The following MTMR12 variants were observed in gnomAD, a reference collection of about 807,000 sequenced individuals.
The protein encoded by MTMR12 is myotubularin related protein 12, also known as myotubularin-related protein 12.
A neutral mutation model predicts 96.7 loss-of-function variants in MTMR12; 33 were observed. That is an observed-to-expected ratio of 0.34 (90% CI 0.26 to 0.46). The LOEUF is 0.46. Among genes scored for constraint, MTMR12 ranks in the 20% least tolerant of loss-of-function variants. The pLI is 1.00. For missense variants in MTMR12, 721 were observed against 896.1 expected (o/e 0.80, Z 2.49); for synonymous variants, 298 against 327.2 (o/e 0.91, Z 0.96).
chr5:32,253,641 G>A lies in MTMR12; in HGVS notation c.789+2052C>T, dbSNP rs527807209. ...CACAGTTTTCTTTTCTTTTCTTTCTGAGACAGAGTCTTACTCTGTTGCCCA... is the reference window on the plus strand; with the variant it reads ...CACAGTTTTCTTTTCTTTTCTTTCTAAGACAGAGTCTTACTCTGTTGCCCA... On this transcript the variant is annotated intron_variant, in intron 8 of 15. Transcript: ENST00000382142. Among the ~76,000 whole-genome samples the A allele has an allele frequency of 4.6e-5, 7 of 152,280 alleles. No homozygotes were observed. The South Asian group carries it at 1.5e-3, about 32-fold the overall frequency.
chr5:32,296,475 T>A, intron 1 of MTMR12: 1 of 372,642 alleles, frequency 2.7e-6, no homozygotes, highest in Non-Finnish European at 5.6e-6. Context: ...CAAGACCTTG[T>A]CTCCAAAAAA....
chr5:32,251,054 C>CTTTTTTTTTTT (rs1299015165), intron 8 of MTMR12, among the ~76,000 whole-genome samples: 9 of 131,026 alleles, frequency 6.9e-5, no homozygotes, highest in Non-Finnish European at 1.3e-4. Flanking sequence ...AGGTCCCTCT[C>CTTTTTTTTTTT]TTTTTTTTTT....
intron 1 of MTMR12, among the ~76,000 whole-genome samples, chr5:32,302,022 C>A (rs576719900): frequency 1.7e-4 from 26 of 152,298 alleles, no homozygotes; most frequent in Admixed American, 5.9e-4. Flanking sequence ...AGAGGAAGGT[C>A]ATCTTCAACA....
At chr5:32,287,940 C>T (rs569468093) in intron 1 of MTMR12, among the ~76,000 whole-genome samples, 2 of 152,176 alleles carry the variant, frequency 1.3e-5, no homozygotes, top group Admixed American at 6.5e-5. Context: ...ATGAAAATGA[C>T]GAACTCAGGG....
At chr5:32,309,315 A>C (rs1751488577) in intron 1 of MTMR12, among the ~76,000 whole-genome samples, 1 of 152,214 alleles carries the variant, frequency 6.6e-6, no homozygotes, top group Non-Finnish European at 1.5e-5. Context: ...TCAAAAAAAG[A>C]CATAAAGAAT....
chr5:32,255,716 G>C lies in MTMR12; in HGVS notation c.766C>G (p.Arg256Gly), dbSNP rs201778330. Residue 256 changes from arginine to glycine, a missense_variant, in exon 8 of 16, where the codon CGC becomes GGC. Physicochemically the swap from Arg to Gly is moderately radical, Grantham distance 125 (BLOSUM62 -2). Transcript: ENST00000382142. Reference sequence around the variant, plus strand: ...ACTGGTATGCCATGACCCTGAAAGCGCTGCACATTCTCTTCAGGAAGAGGG... The same window carrying C: ...ACTGGTATGCCATGACCCTGAAAGCCCTGCACATTCTCTTCAGGAAGAGGG... ...PTPLPEENVQ[R>G]FQGHGIPIWC... The C allele has an allele frequency of 6.2e-7, 1 of 1,612,486 alleles. No individual in the cohort carries two copies. The highest frequency in any genetic ancestry group is 8.5e-7 in the Non-Finnish European group (1 of 1,179,406).
chr5:32,278,457 T>C (rs1750144263), intron 1 of MTMR12, among the ~76,000 whole-genome samples: 2 of 152,176 alleles, frequency 1.3e-5, no homozygotes, highest in Admixed American at 6.5e-5. Flanking sequence ...AATATGGCAT[T>C]AGAAGAAACT....
In MTMR12 at chr5:32,227,999, A is replaced by C. The variant is rs1178225872; in HGVS notation, c.*1779T>G. The C allele has an allele frequency of 6.6e-6, 1 of 152,526 alleles. No homozygotes were observed. The highest frequency in any genetic ancestry group is 1.5e-5 in the Non-Finnish European group (1 of 68,056). The allele number at this position is 152,526 out of a possible 1,614,324, so 9.4% of individuals were successfully genotyped here. A position where few individuals can be genotyped will look rare whatever the true frequency, so the allele number is the denominator to read the frequency against. On this transcript the variant is annotated 3_prime_UTR_variant, in exon 16 of 16. Coordinates refer to ENST00000382142, the MANE Select transcript of MTMR12 (RefSeq NM_001040446.3). ...AACCTAGAAACTTCTCTTAGTCAAT[A>C]GTTTCCAATTTTCTGAGACGAGGTC...
At chr5:32,268,630 C>A (rs772469097) in intron 6 of MTMR12, 71 bp downstream of exon 6, 7 of 1,277,400 alleles carry the variant, frequency 5.5e-6, no homozygotes, top group Non-Finnish European at 8.0e-6. Context: ...GATGTGTTCT[C>A]CCCCACTGGC....
rs1747841339 is a variant in MTMR12 at position 32,228,571 on chromosome 5, T to TC, written c.*1206_*1207insG. 1 of 135,388 alleles carries TC rather than the reference T, an allele frequency of 7.4e-6. No individual in the cohort carries two copies. The highest frequency in any genetic ancestry group is 2.9e-5 in the African/African-American group (1 of 34,732). The allele number at this position is 135,388 out of a possible 1,614,324, so 8.4% of individuals were successfully genotyped here. On this transcript the variant is annotated 3_prime_UTR_variant, in exon 16 of 16. Coordinates refer to ENST00000382142, the MANE Select transcript of MTMR12 (RefSeq NM_001040446.3). ...ATATATATGTGATATATATATATCA[T>TC]ATATATATCATATATATGTGATATA... is the stretch of plus-strand genomic sequence containing the variant.
At chr5:32,235,492 G>A (rs947933293) in intron 13 of MTMR12, among the ~76,000 whole-genome samples, 1 of 151,980 alleles carries the variant, frequency 6.6e-6, no homozygotes, top group Non-Finnish European at 1.5e-5. Flanking sequence ...TCCATTAGTA[G>A]TACTGTATTA....
At chr5:32,273,889 G>T (rs754732372) in intron 3 of MTMR12, 91 bp downstream of exon 3, 10 of 1,545,814 alleles carry the variant, frequency 6.5e-6, no homozygotes, top group Non-Finnish European at 7.9e-6. Flanking sequence ...TGTGTTAGGG[G>T]GTAGAGTAAC....
At chr5:32,255,930 G>T in intron 7 of MTMR12, 162 bp from the exon 8 acceptor site, 1 of 569,148 alleles carries the variant, frequency 1.8e-6, no homozygotes, top group Non-Finnish European at 3.1e-6. Context: ...TTTCGGTGTG[G>T]CGTGAAGTAC....
rs1366478718 is a variant in MTMR12 at position 32,243,655 on chromosome 5, C to T, written c.1022-56G>A. ...GGTCATTGTTCACTGACATACTTGC[C>T]ACAAAAATCCTGTGCTCCTCAACTG... On this transcript the variant is annotated intron_variant, in intron 10 of 15. Transcript: ENST00000382142. 2.7e-6 allele frequency: 3 copies of T among 1,128,964 alleles called. No homozygotes were observed. The African/African-American group carries it at 4.6e-5, about 17-fold the overall frequency. The allele number at this position is 1,128,964 out of a possible 1,614,324, so 69.9% of individuals were successfully genotyped here. A position where few individuals can be genotyped will look rare whatever the true frequency, so the allele number is the denominator to read the frequency against.
chr5:32,287,367 C>T (rs539503024), intron 1 of MTMR12, among the ~76,000 whole-genome samples: 33 of 152,156 alleles, frequency 2.2e-4, no homozygotes, highest in Admixed American at 9.8e-4. Flanking sequence ...GGCCTAGCCT[C>T]GCAGCCTACA....
At chr5:32,254,664 G>A (rs1056589988) in intron 8 of MTMR12, among the ~76,000 whole-genome samples, 9 of 151,998 alleles carry the variant, frequency 5.9e-5, no homozygotes, top group Non-Finnish European at 1.5e-5. Context: ...TCAACATGGC[G>A]AAACCCCGTC....
At chr5:32,274,311 C>T (rs971761960) in intron 2 of MTMR12, among the ~76,000 whole-genome samples, 189 bp from the exon 3 acceptor site, 3 of 152,128 alleles carry the variant, frequency 2.0e-5, no homozygotes, top group African/African-American at 7.2e-5. Flanking sequence ...AGAGTGGAAA[C>T]CACCAAGAAG....
intron 1 of MTMR12, among the ~76,000 whole-genome samples, chr5:32,281,899 C>CAAAA (rs201071153): frequency 4.1e-5 from 5 of 121,412 alleles, no homozygotes; most frequent in East Asian, 4.8e-4. Context: ...GACTCCGTCT[C>CAAAA]AAAAAAAAAA....
intron 1 of MTMR12, among the ~76,000 whole-genome samples, chr5:32,294,346 A>G (rs1188086848): frequency 1.3e-5 from 2 of 151,584 alleles, no homozygotes; most frequent in African/African-American, 2.4e-5. Context: ...TCTATCCCCC[A>G]TGCAGGAGTT....
Sources: allele counts gnomAD v4.1 joint callset (sites outside exome capture counted in the v4.1 genomes callset), GRCh38; gene constraint gnomAD v4.1.1; transcripts MANE v1.5; gene names NCBI Gene and HGNC (gene_info 2026-07-23, HGNC 2026-07-21).